The following GNAL variants were observed in gnomAD, a reference collection of about 807,000 sequenced individuals.
GNAL encodes the protein G protein subunit alpha L.
A neutral mutation model predicts 55.1 loss-of-function variants in GNAL; 18 were observed. The ratio of observed to expected loss-of-function variants is 0.33; its 90% confidence interval spans 0.23 to 0.48. The LOEUF is 0.48. GNAL is among the 20% of genes least tolerant of loss of function. GNAL has a pLI of 0.99. For synonymous variants in GNAL, 253 were observed against 237.0 expected, an observed-to-expected ratio of 1.07 and a Z score of -0.62; for missense variants, 412 against 614.1, an observed-to-expected ratio of 0.67 and a Z score of 3.48.
At position 11,793,251 on chromosome 18, in the gene GNAL, T is replaced by G. The variant is rs139292558; in HGVS notation, c.625-31667T>G. ...ATGAGATAAATATTTGTAAACTGTG[T>G]ATCTGATAAGGGTCTAGTAACCAGA... On this transcript the variant is annotated intron_variant, in intron 4 of 11. Coordinates refer to ENST00000334049, the MANE Select transcript of GNAL (RefSeq NM_182978.4). 2.4e-4 allele frequency among the ~76,000 whole-genome samples: 36 copies of G among 152,332 alleles called. 1 individual carries two copies. The East Asian group carries it at 6.9e-3, about 29-fold the overall frequency.
chr18:11,773,198 C>T (rs1407375532), intron 4 of GNAL, among the ~76,000 whole-genome samples: 2 of 152,230 alleles, frequency 1.3e-5, no homozygotes, highest in East Asian at 1.9e-4. Context: ...AGGGCTTGCA[C>T]GTCTCATGTC....
At chr18:11,738,837 C>T (rs189190224) in intron 1 of GNAL, among the ~76,000 whole-genome samples, 1 of 152,090 alleles carries the variant, frequency 6.6e-6, no homozygotes, top group East Asian at 1.9e-4. Context: ...AGTATGAGTC[C>T]GTGCAGAGCG....
At chr18:11,718,177 A>T (rs2032018381) in intron 1 of GNAL, among the ~76,000 whole-genome samples, 2 of 152,242 alleles carry the variant, frequency 1.3e-5, no homozygotes, top group Admixed American at 6.5e-5. Flanking sequence ...TCACAGGGGA[A>T]AATTTGAAAA....
At chr18:11,708,892 G>A (rs1291493700) in intron 1 of GNAL, among the ~76,000 whole-genome samples, 2 of 152,152 alleles carry the variant, frequency 1.3e-5, no homozygotes, top group Non-Finnish European at 2.9e-5. Flanking sequence ...TTAATGTCAG[G>A]AAACTTTTTT....
intron 1 of GNAL, among the ~76,000 whole-genome samples, chr18:11,715,416 G>T (rs532716330): frequency 6.8e-6 from 1 of 147,466 alleles, no homozygotes; most frequent in Non-Finnish European, 1.5e-5. Context: ...AGCCGAGATC[G>T]CGCCACTGCA....
At chr18:11,861,192 T>C (rs2036126137) in intron 5 of GNAL, among the ~76,000 whole-genome samples, 1 of 152,170 alleles carries the variant, frequency 6.6e-6, no homozygotes, top group South Asian at 2.1e-4. Flanking sequence ...CTCTCCTCAG[T>C]ACCAGGGCCT....
chr18:11,832,925 TA>T (rs1317413985), intron 5 of GNAL, among the ~76,000 whole-genome samples: 1 of 152,120 alleles, frequency 6.6e-6, no homozygotes, highest in Non-Finnish European at 1.5e-5. Flanking sequence ...AATTTTAAAT[TA>T]TGCATATTAC....
rs1166534654 is a variant in GNAL at position 11,852,169 on chromosome 18, G to C, written c.723-10226G>C. The C allele has an allele frequency of 9.4e-6, 14 of 1,485,054 alleles. No individual in the cohort carries two copies. The South Asian group carries it at 1.1e-4, about 12-fold the overall frequency. 92.0% of individuals were successfully genotyped at this position (1,485,054 alleles called of 1,614,324 possible). On this transcript the variant is annotated intron_variant, in intron 5 of 11. Transcript: ENST00000334049. The stretch of plus-strand genomic sequence containing the variant: ...AGCCACCCTTTGAAATGCTCTCTGT[G>C]TGTTAGAGAGATACTATACCCTAGA...
chr18:11,878,994 A>G (rs1009923239), intron 11 of GNAL, among the ~76,000 whole-genome samples: 19 of 151,892 alleles, frequency 1.3e-4, no homozygotes, highest in African/African-American at 4.6e-4. Context: ...ATTAGGAGAT[A>G]CACCTAATGT....
At chr18:11,779,423 C>T (rs575632301) in intron 4 of GNAL, among the ~76,000 whole-genome samples, 1 of 152,254 alleles carries the variant, frequency 6.6e-6, no homozygotes, top group Admixed American at 6.5e-5. Context: ...TGTATTGAGA[C>T]TGATGGATAG....
At chr18:11,851,993 G>T in intron 5 of GNAL, 1 of 1,613,666 alleles carries the variant, frequency 6.2e-7, no homozygotes, top group African/African-American at 1.3e-5. Context: ...GATGAGGCGG[G>T]CCTCGACCTC....
chr18:11,873,107 C>T (rs1322279145), intron 10 of GNAL, among the ~76,000 whole-genome samples: 1 of 152,224 alleles, frequency 6.6e-6, no homozygotes, highest in African/African-American at 2.4e-5. Context: ...CAGTGAACAC[C>T]AGGTCTACCA....
At chr18:11,863,431 T>G (rs140126098) in intron 6 of GNAL, among the ~76,000 whole-genome samples, 2,809 of 152,324 alleles carry the variant, frequency 0.018, 41 homozygotes, top group Non-Finnish European at 0.028. Context: ...GGCCTGAGCT[T>G]CTCTCTCTCC....
intron 5 of GNAL, among the ~76,000 whole-genome samples, chr18:11,860,802 T>C (rs967393562): frequency 2.6e-5 from 4 of 152,208 alleles, no homozygotes; most frequent in African/African-American, 7.2e-5. Flanking sequence ...CTCCTCTTCC[T>C]GGTACAGGGC....
chr18:11,743,434 G>A (rs2032622742), intron 1 of GNAL, among the ~76,000 whole-genome samples: 1 of 152,050 alleles, frequency 6.6e-6, no homozygotes, highest in Admixed American at 6.5e-5. Context: ...ACTAAAATAT[G>A]TTTGTGAATA....
chr18:11,705,074 A>G (rs1026350812), intron 1 of GNAL, among the ~76,000 whole-genome samples: 1 of 152,152 alleles, frequency 6.6e-6, no homozygotes, highest in Non-Finnish European at 1.5e-5. Context: ...ATCATCTTGC[A>G]TGTCTGAAAT....
At chr18:11,825,162 C>A in intron 5 of GNAL, 147 bp downstream of exon 5, 1 of 594,518 alleles carries the variant, frequency 1.7e-6, no homozygotes, top group South Asian at 2.0e-5. Context: ...TAAAATGAGA[C>A]ATGTTTAGTA....
intron 5 of GNAL, chr18:11,852,094 C>T (rs765415090): frequency 6.2e-7 from 1 of 1,603,520 alleles, no homozygotes; most frequent in South Asian, 1.1e-5. Context: ...ACTGGCCCGC[C>T]TTCGGGATCA....
chr18:11,789,757 C>G (rs926901866), intron 4 of GNAL, among the ~76,000 whole-genome samples: 1 of 152,202 alleles, frequency 6.6e-6, no homozygotes, highest in Non-Finnish European at 1.5e-5. Context: ...GTCTTACATG[C>G]CATTGATACA....
Sources: allele counts gnomAD v4.1 joint callset (sites outside exome capture counted in the v4.1 genomes callset), GRCh38; gene constraint gnomAD v4.1.1; transcripts MANE v1.5; gene names NCBI Gene and HGNC (gene_info 2026-07-23, HGNC 2026-07-21).